HHAT: variants seen among roughly 807,000 people sequenced by gnomAD.
HHAT encodes hedgehog acyltransferase, also known as protein-cysteine N-palmitoyltransferase HHAT.
In HHAT, 47 loss-of-function variants were observed where a neutral mutation model predicts 70.8. The ratio of observed to expected loss-of-function variants is 0.66; its 90% CI spans 0.53 to 0.85. HHAT has a LOEUF of 0.85. Ranked by LOEUF, HHAT falls within the 40% of genes least tolerant of loss-of-function variation. HHAT has a pLI of 0.00. For missense variants in HHAT, 609 were observed against 604.8 expected (o/e 1.01, Z -0.07); for synonymous variants, 228 against 247.6 (o/e 0.92, Z 0.74).
intron 1 of HHAT, among the ~76,000 whole-genome samples, chr1:210,336,923 G>C (rs563175442): frequency 3.9e-5 from 6 of 152,304 alleles, no homozygotes; most frequent in African/African-American, 1.4e-4. Flanking sequence ...AGATGTGGTG[G>C]GCACAAGCCT....
chr1:210,601,971 G>A (rs1216846085), intron 10 of HHAT, among the ~76,000 whole-genome samples: 3 of 3,922 alleles, frequency 7.6e-4, no homozygotes, highest in African/African-American at 8.9e-4. Context: ...GTGTGTGAGA[G>A]TGTGTGTGTG....
Position 210,587,980 on chromosome 1 carries a change from A to G in HHAT, c.1126A>G (p.Ser376Gly). Residue 376 changes from serine to glycine, a missense_variant, in exon 10 of 12, where the codon AGC becomes GGC. Physicochemically the swap from Ser to Gly is moderately conservative, Grantham distance 56. Coordinates refer to ENST00000261458, the MANE Select transcript of HHAT (RefSeq NM_018194.6). ...FSTAMTFAFV[S>G]YWHGGYDYLW... ...CACGGCGATGACATTTGCATTTGTG[A>G]GCTACTGGCATGGCGGCTACGACTA... 2 of 1,614,000 alleles carry G rather than the reference A, an allele frequency of 1.2e-6. No homozygotes were observed. Among genetic ancestry groups the G allele is most frequent in the Non-Finnish European group, 1.7e-6 (2 of 1,179,998 alleles).
chr1:210,439,988 C>G (rs1444718197), intron 7 of HHAT, among the ~76,000 whole-genome samples: 1 of 151,748 alleles, frequency 6.6e-6, no homozygotes, highest in Non-Finnish European at 1.5e-5. Flanking sequence ...GATAAAACTT[C>G]TGGGGTTTTT....
intron 1 of HHAT, among the ~76,000 whole-genome samples, chr1:210,340,410 AC>A (rs1465939766): frequency 5.3e-5 from 8 of 152,172 alleles, no homozygotes; most frequent in African/African-American, 1.9e-4. Flanking sequence ...AAAGTCTCAT[AC>A]CACTTTTTCC....
In HHAT at chr1:210,419,983, C is replaced by T. The variant is rs150505067; in HGVS notation, c.856+1658C>T. On this transcript the variant is annotated intron_variant, in intron 7 of 11. Transcript: ENST00000261458. ...TCCATATAACAATGATACTTAAGAT[C>T]GGCACTAGGGGTAGTAAATTATGTG... Among the ~76,000 whole-genome samples, 478 of 152,176 alleles carry T rather than the reference C, an allele frequency of 3.1e-3. 7 individuals carry two copies. Among genetic ancestry groups the T allele is most frequent in the African/African-American group, 0.011 (451 of 41,530 alleles).
intron 8 of HHAT, among the ~76,000 whole-genome samples, chr1:210,499,536 G>A (rs1210113848): frequency 1.3e-5 from 2 of 152,086 alleles, no homozygotes; most frequent in African/African-American, 2.4e-5. Context: ...CCAGCTACTC[G>A]GGAGGCTGAA....
intron 3 of HHAT, among the ~76,000 whole-genome samples, chr1:210,373,608 C>T (rs141080043): frequency 6.6e-6 from 1 of 152,236 alleles, no homozygotes; most frequent in East Asian, 1.9e-4. Flanking sequence ...GATTTTGCTC[C>T]CAGGTTTAAT....
At chr1:210,425,890 T>C (rs2093047728) in intron 7 of HHAT, among the ~76,000 whole-genome samples, 1 of 152,172 alleles carries the variant, frequency 6.6e-6, no homozygotes, top group Non-Finnish European at 1.5e-5. Context: ...ATGTCAATGG[T>C]AGTTTGATAG....
chr1:210,362,718 T>C, intron 2 of HHAT, 134 bp from the exon 3 acceptor site: 1 of 674,480 alleles, frequency 1.5e-6, no homozygotes, highest in Non-Finnish European at 2.6e-6. Context: ...GAGTGTGGTA[T>C]GTTTCCGTGC....
chr1:210,363,939 T>C (rs1421030054), intron 3 of HHAT, among the ~76,000 whole-genome samples: 2 of 152,196 alleles, frequency 1.3e-5, no homozygotes, highest in Admixed American at 1.3e-4. Flanking sequence ...GGGTACTGCC[T>C]GTACTAATAT....
chr1:210,494,935 C>T (rs1437054498), intron 8 of HHAT, among the ~76,000 whole-genome samples: 1 of 152,116 alleles, frequency 6.6e-6, no homozygotes, highest in African/African-American at 2.4e-5. Context: ...GAGCCCTGAG[C>T]TGGGACTCCC....
At chr1:210,580,727 G>C (rs557261132) in intron 9 of HHAT, among the ~76,000 whole-genome samples, 1 of 152,148 alleles carries the variant, frequency 6.6e-6, no homozygotes, top group South Asian at 2.1e-4. Flanking sequence ...GTCTATCATT[G>C]ATGGGCATTT....
intron 11 of HHAT, among the ~76,000 whole-genome samples, chr1:210,646,854 G>T (rs565440461): frequency 5.7e-4 from 86 of 152,212 alleles, no homozygotes; most frequent in African/African-American, 1.9e-3. Flanking sequence ...TTAATGGCTA[G>T]TTGGCAATAA....
At chr1:210,642,427 AG>A (rs773915864) in intron 11 of HHAT, among the ~76,000 whole-genome samples, 1 of 152,226 alleles carries the variant, frequency 6.6e-6, no homozygotes, top group Non-Finnish European at 1.5e-5. Context: ...CTTCAGTAGA[AG>A]TGGCCAGTTT....
intron 1 of HHAT, among the ~76,000 whole-genome samples, chr1:210,330,486 C>G (rs899269342): frequency 6.6e-6 from 1 of 152,168 alleles, no homozygotes; most frequent in Non-Finnish European, 1.5e-5. Context: ...TTTGGATCAA[C>G]GCCTGTGCTT....
intron 10 of HHAT, among the ~76,000 whole-genome samples, chr1:210,622,717 A>T (rs150536216): frequency 5.7e-4 from 87 of 152,230 alleles, no homozygotes; most frequent in African/African-American, 2.0e-3. Context: ...CTCGGCTCAC[A>T]CTCATTGTCC....
At chr1:210,603,994 G>C (rs554991698) in intron 10 of HHAT, among the ~76,000 whole-genome samples, 1 of 152,142 alleles carries the variant, frequency 6.6e-6, no homozygotes, top group Non-Finnish European at 1.5e-5. Flanking sequence ...GACTGTCTGC[G>C]GAAGGGTGGG....
intron 11 of HHAT, among the ~76,000 whole-genome samples, chr1:210,639,373 G>A (rs1395871001): frequency 6.6e-6 from 1 of 152,154 alleles, no homozygotes; most frequent in African/African-American, 2.4e-5. Flanking sequence ...ATGCTAGTTT[G>A]GCATTTCCAG....
chr1:210,461,790 T>C (rs2093984094), intron 7 of HHAT, among the ~76,000 whole-genome samples: 1 of 152,166 alleles, frequency 6.6e-6, no homozygotes, highest in Non-Finnish European at 1.5e-5. Context: ...ATATTAAAAT[T>C]TCAAGGAAAA....
Sources: gnomAD v4.1 joint callset for allele counts (sites outside exome capture counted in the v4.1 genomes callset) on GRCh38, gnomAD v4.1.1 for gene constraint, MANE v1.5 for transcripts, NCBI Gene and HGNC (gene_info 2026-07-23, HGNC 2026-07-21) for gene names.